The following CALN1 variants were observed in gnomAD, a reference collection of about 807,000 sequenced individuals.
CALN1 encodes the protein calcium-binding protein 8.
A neutral mutation model predicts 30.6 loss-of-function variants in CALN1; 17 were observed. That is an observed-to-expected ratio of 0.56 (90% CI 0.38 to 0.83). CALN1 has a LOEUF of 0.83. Ranked by LOEUF, CALN1 falls within the 40% of genes least tolerant of loss-of-function variation. CALN1 has a pLI of 0.00. For synonymous variants in CALN1, 156 were observed against 131.4 expected (o/e 1.19, Z -1.28); for missense variants, 291 against 354.9 (o/e 0.82, Z 1.45).
intron 3 of CALN1, among the ~76,000 whole-genome samples, chr7:72,184,056 T>C (rs1790008596): frequency 1.3e-5 from 2 of 152,188 alleles, no homozygotes; most frequent in Admixed American, 1.3e-4. Context: ...CAAGAACCTT[T>C]GCTAAAGTTC....
intron 4 of CALN1, among the ~76,000 whole-genome samples, chr7:72,074,578 T>C (rs1191656501): frequency 6.6e-6 from 1 of 152,156 alleles, no homozygotes; most frequent in Non-Finnish European, 1.5e-5. Flanking sequence ...AGACTAATTT[T>C]TGTATTTTTA....
chr7:72,305,719 C>G (rs551482086), intron 2 of CALN1, among the ~76,000 whole-genome samples: 1 of 152,236 alleles, frequency 6.6e-6, no homozygotes, highest in South Asian at 2.1e-4. Context: ...CTCAGGTTAC[C>G]GTAACAAAAG....
intron 4 of CALN1, among the ~76,000 whole-genome samples, chr7:72,030,572 T>C (rs561417893): frequency 3.9e-5 from 6 of 151,974 alleles, no homozygotes; most frequent in African/African-American, 7.3e-5. Flanking sequence ...CCCTCAACCT[T>C]AGGGGAACGG....
chr7:72,095,113 G>A (rs13239589), intron 4 of CALN1, among the ~76,000 whole-genome samples: 34,547 of 151,964 alleles, frequency 0.23, 4,871 homozygotes, highest in East Asian at 0.69. Flanking sequence ...TAAGATCTTA[G>A]AGTCATATGG....
At chr7:71,994,796 G>A (rs1398191324) in intron 5 of CALN1, among the ~76,000 whole-genome samples, 2 of 151,786 alleles carry the variant, frequency 1.3e-5, no homozygotes, top group African/African-American at 2.4e-5. Flanking sequence ...CGAAAGATTG[G>A]TTGGACCAGG....
At chr7:72,287,537 C>A (rs1044853545) in intron 2 of CALN1, among the ~76,000 whole-genome samples, 3 of 147,448 alleles carry the variant, frequency 2.0e-5, no homozygotes, top group African/African-American at 7.5e-5. Flanking sequence ...AGCTCCGCCT[C>A]CTGGGTTCAT....
chr7:72,180,602 T>C (rs1294597898), intron 3 of CALN1, among the ~76,000 whole-genome samples: 1 of 129,768 alleles, frequency 7.7e-6, no homozygotes, highest in East Asian at 2.2e-4. Context: ...TTTATGCTTT[T>C]TTTTCTTTTT....
intron 6 of CALN1, among the ~76,000 whole-genome samples, chr7:71,804,626 C>G (rs1262423807): frequency 1.3e-5 from 2 of 152,146 alleles, no homozygotes; most frequent in African/African-American, 4.8e-5. Context: ...CGAGATCAGC[C>G]TGGACAACAT....
At chr7:72,009,633 G>A (rs1799956491) in intron 5 of CALN1, among the ~76,000 whole-genome samples, 2 of 152,196 alleles carry the variant, frequency 1.3e-5, no homozygotes, top group South Asian at 4.1e-4. Context: ...TCATTCCCAT[G>A]TGTTGTGGGA....
At chr7:72,208,211 A>G (rs565761120) in intron 3 of CALN1, among the ~76,000 whole-genome samples, 2 of 152,362 alleles carry the variant, frequency 1.3e-5, no homozygotes, top group East Asian at 3.9e-4. Context: ...GGGTAGCTGC[A>G]AATGTAGTTT....
intron 5 of CALN1, among the ~76,000 whole-genome samples, chr7:71,918,107 G>A (rs1051873077): frequency 6.6e-6 from 1 of 152,114 alleles, no homozygotes; most frequent in Non-Finnish European, 1.5e-5. Context: ...ATTGCATAAG[G>A]ATCAAATTAA....
intron 3 of CALN1, among the ~76,000 whole-genome samples, chr7:72,146,289 T>G (rs1011029636): frequency 8.5e-5 from 13 of 152,054 alleles, no homozygotes; most frequent in African/African-American, 2.9e-4. Context: ...GGATAAAAAA[T>G]CAATGTGCAA....
chr7:71,842,805 G>C (rs952104094), intron 5 of CALN1, among the ~76,000 whole-genome samples: 1 of 152,108 alleles, frequency 6.6e-6, no homozygotes, highest in Non-Finnish European at 1.5e-5. Context: ...GTCCGTTCCT[G>C]TACCCTCAGC....
At chr7:72,404,605 T>C (rs1585675699) in intron 1 of CALN1, among the ~76,000 whole-genome samples, 1 of 151,814 alleles carries the variant, frequency 6.6e-6, no homozygotes, top group Non-Finnish European at 1.5e-5. Context: ...CACAGATGAG[T>C]CTCCATTTCT....
At chr7:71,862,056 G>A (rs1201789468) in intron 5 of CALN1, among the ~76,000 whole-genome samples, 3 of 152,182 alleles carry the variant, frequency 2.0e-5, no homozygotes, top group African/African-American at 7.2e-5. Flanking sequence ...TCTCTAAGAC[G>A]TGGCCATCTC....
chr7:72,075,157 G>A (rs1384933223), intron 4 of CALN1, among the ~76,000 whole-genome samples: 1 of 152,152 alleles, frequency 6.6e-6, no homozygotes, highest in East Asian at 1.9e-4. Context: ...TCTAAGTCAG[G>A]GGACGGTCAG....
chr7:72,180,942 AC>A (rs1479804445), intron 3 of CALN1, among the ~76,000 whole-genome samples: 1 of 151,930 alleles, frequency 6.6e-6, no homozygotes, highest in Non-Finnish European at 1.5e-5. Flanking sequence ...TTCTAAAAAT[AC>A]AAAAAATTAT....
intron 4 of CALN1, among the ~76,000 whole-genome samples, chr7:72,093,916 G>A (rs1441966030): frequency 1.3e-5 from 2 of 152,130 alleles, no homozygotes; most frequent in African/African-American, 4.8e-5. Context: ...GAATTTTTAG[G>A]TGGATTTAGA....
chr7:71,891,460 C>T (rs1487577440), intron 5 of CALN1, among the ~76,000 whole-genome samples: 1 of 152,204 alleles, frequency 6.6e-6, no homozygotes, highest in Non-Finnish European at 1.5e-5. Context: ...AGAGCAGGGA[C>T]TCTGGAGCAG....
Sources: allele counts gnomAD v4.1 joint callset (sites outside exome capture counted in the v4.1 genomes callset), GRCh38; gene constraint gnomAD v4.1.1; transcripts MANE v1.5; gene names NCBI Gene and HGNC (gene_info 2026-07-23, HGNC 2026-07-21).